PTPRG: variants seen among roughly 807,000 people sequenced by gnomAD.
PTPRG encodes the protein receptor-type tyrosine-protein phosphatase gamma.
In PTPRG, 102 loss-of-function variants were observed where a neutral mutation model predicts 165.3. The observed-to-expected ratio is 0.62, with a 90% CI of 0.53 to 0.73. The LOEUF is 0.73. PTPRG is among the 30% of genes least tolerant of loss of function. The pLI, the probability that PTPRG is intolerant of heterozygous loss-of-function variation, is 0.00. For missense variants in PTPRG, 1,866 were observed against 1,861.4 expected (o/e 1.00, Z -0.05); for synonymous variants, 675 against 669.5 (o/e 1.01, Z -0.13).
intron 5 of PTPRG, among the ~76,000 whole-genome samples, chr3:62,103,582 G>T (rs1184137049): frequency 1.3e-5 from 2 of 152,194 alleles, no homozygotes; most frequent in African/African-American, 4.8e-5. Flanking sequence ...TTCCCATGAA[G>T]AAATTTCAAG....
At chr3:62,093,510 C>T (rs927200350) in intron 5 of PTPRG, among the ~76,000 whole-genome samples, 1 of 152,192 alleles carries the variant, frequency 6.6e-6, no homozygotes, top group African/African-American at 2.4e-5. Flanking sequence ...ATTTGTCCCA[C>T]CTCATTGGCA....
intron 1 of PTPRG, among the ~76,000 whole-genome samples, chr3:61,573,580 T>G (rs930089026): frequency 6.6e-6 from 1 of 152,162 alleles, no homozygotes. Flanking sequence ...ACGCAATACA[T>G]TTACATGAAT....
chr3:62,129,898 A>T (rs1480502095), intron 5 of PTPRG, among the ~76,000 whole-genome samples: 1 of 152,160 alleles, frequency 6.6e-6, no homozygotes, highest in Admixed American at 6.5e-5. Context: ...GTGTCTTGTG[A>T]TGTGGAATAT....
At chr3:61,569,461 C>T (rs558476080) in intron 1 of PTPRG, among the ~76,000 whole-genome samples, 2 of 152,246 alleles carry the variant, frequency 1.3e-5, no homozygotes, top group African/African-American at 4.8e-5. Flanking sequence ...GCTCAATAAC[C>T]ATTTTTTTAA....
intron 1 of PTPRG, among the ~76,000 whole-genome samples, chr3:61,691,552 A>G (rs2030216022): frequency 6.6e-6 from 1 of 152,186 alleles, no homozygotes; most frequent in Admixed American, 6.5e-5. Flanking sequence ...AAATGACTAA[A>G]ATGGTATGAA....
At chr3:62,094,697 C>T (rs748148269) in intron 5 of PTPRG, among the ~76,000 whole-genome samples, 9 of 152,218 alleles carry the variant, frequency 5.9e-5, no homozygotes, top group Non-Finnish European at 8.8e-5. Flanking sequence ...TCTAGTCCAA[C>T]GTCCCCACTG....
At chr3:61,880,643 A>G (rs865774705) in intron 2 of PTPRG, among the ~76,000 whole-genome samples, 389 of 150,144 alleles carry the variant, frequency 2.6e-3, no homozygotes, top group African/African-American at 8.6e-3. Flanking sequence ...AAAAAAAAAA[A>G]AGAGAGAGAC....
intron 28 of PTPRG, among the ~76,000 whole-genome samples, chr3:62,289,708 C>CA (rs1328903467): frequency 3.0e-5 from 4 of 134,006 alleles, no homozygotes; most frequent in Non-Finnish European, 6.6e-5. Flanking sequence ...TCCCCCCCCC[C>CA]CAAAAAAAAC....
rs1702135150 is a variant in PTPRG, at chr3:62,273,325, A to G, written c.3318+244A>G. ...CTTACGAAAGAGATACAGTTGTTTC[A>G]AGAGCTGTGTTAGATGGTAGGGGGA... On this transcript the variant is annotated intron_variant, in intron 22 of 29. Transcript: ENST00000474889. The surrounding 1 kb of genome is among the most constrained non-coding windows in gnomAD (Gnocchi z 4.1). Among the ~76,000 whole-genome samples, 2 of 152,208 alleles carry G rather than the reference A, an allele frequency of 1.3e-5. No homozygotes were observed. The highest frequency in any genetic ancestry group is 1.3e-4 in the Admixed American group (2 of 15,280).
chr3:62,152,035 C>G (rs1226073698), intron 6 of PTPRG, among the ~76,000 whole-genome samples: 1 of 152,128 alleles, frequency 6.6e-6, no homozygotes, highest in African/African-American at 2.4e-5. Flanking sequence ...GGACCTAGCT[C>G]TAGCACTTCT....
chr3:61,976,577 C>T (rs544729878), intron 2 of PTPRG, among the ~76,000 whole-genome samples: 28 of 152,252 alleles, frequency 1.8e-4, no homozygotes, highest in African/African-American at 6.3e-4. Flanking sequence ...TATTGACTTC[C>T]TTTTTAATAA....
chr3:61,783,313 C>G (rs1467868554), intron 2 of PTPRG, among the ~76,000 whole-genome samples: 1 of 152,078 alleles, frequency 6.6e-6, no homozygotes, highest in Non-Finnish European at 1.5e-5. Context: ...GCACTCCAAC[C>G]TGGGTGACAG....
rs1353810383 is a variant in PTPRG at position 62,273,497 on chromosome 3, G to A, written c.3319-201G>A. The stretch of plus-strand genomic sequence containing the variant: ...ATCCAGGCACAGTATAGAATACAGA[G>A]CTAAACTTAACACAGTCTCTACCGT... On this transcript the variant is annotated intron_variant, in intron 22 of 29. Coordinates refer to ENST00000474889, the MANE Select transcript of PTPRG (RefSeq NM_002841.4). The surrounding 1 kb of genome is among the most constrained non-coding windows in gnomAD (Gnocchi z 4.1). Among the ~76,000 whole-genome samples, 1 of 152,130 alleles carries A rather than the reference G, an allele frequency of 6.6e-6. No individual in the cohort carries two copies. Among genetic ancestry groups the A allele is most frequent in the Non-Finnish European group, 1.5e-5 (1 of 68,022 alleles).
intron 1 of PTPRG, among the ~76,000 whole-genome samples, chr3:61,625,548 G>A (rs1468626344): frequency 1.3e-5 from 2 of 152,128 alleles, no homozygotes; most frequent in African/African-American, 4.8e-5. Context: ...TCACTTGGGT[G>A]TGTTTCAAGC....
intron 1 of PTPRG, among the ~76,000 whole-genome samples, chr3:61,655,960 C>T (rs1381299277): frequency 1.3e-5 from 2 of 152,046 alleles, no homozygotes; most frequent in African/African-American, 4.8e-5. Flanking sequence ...TACCTGTAAT[C>T]CTAGCCCTTT....
At chr3:61,800,637 G>C (rs961472478) in intron 2 of PTPRG, among the ~76,000 whole-genome samples, 2 of 151,340 alleles carry the variant, frequency 1.3e-5, no homozygotes, top group Non-Finnish European at 2.9e-5. Flanking sequence ...CCGTGGTGGG[G>C]ACAGAACTGT....
chr3:62,149,336 C>T (rs1317714760), intron 6 of PTPRG, among the ~76,000 whole-genome samples: 2 of 149,520 alleles, frequency 1.3e-5, no homozygotes, highest in Non-Finnish European at 3.0e-5. Flanking sequence ...TGCAGTGGCG[C>T]GATCTTGGCT....
At chr3:62,039,095 T>C (rs1347288691) in intron 4 of PTPRG, among the ~76,000 whole-genome samples, 1 of 152,096 alleles carries the variant, frequency 6.6e-6, no homozygotes, top group Admixed American at 6.5e-5. Flanking sequence ...CCACCATGCC[T>C]GACTAATTTT....
chr3:62,231,317 G>A lies in PTPRG; in HGVS notation c.2375+6G>A, dbSNP rs185790914. The A allele has an allele frequency of 1.3e-6, 2 of 1,576,048 alleles. No homozygotes were observed. The highest frequency in any genetic ancestry group is 1.7e-6 in the Non-Finnish European group (2 of 1,162,502). ...AGAGGAGAGAAGGGGAGCAGGTGAGGGGCGGTCAAGCTTAAGTGGGGGGCG... is the reference window on the plus strand; with the variant it reads ...AGAGGAGAGAAGGGGAGCAGGTGAGAGGCGGTCAAGCTTAAGTGGGGGGCG... On this transcript the variant is annotated splice_donor_region_variant and intron_variant, in intron 14 of 29. Coordinates refer to ENST00000474889, the MANE Select transcript of PTPRG (RefSeq NM_002841.4).
Sources: gnomAD v4.1 joint callset for allele counts (sites outside exome capture counted in the v4.1 genomes callset) on GRCh38, gnomAD v4.1.1 for gene constraint, Gnocchi (gnomAD v3.1) non-coding constraint, MANE v1.5 for transcripts, NCBI Gene and HGNC (gene_info 2026-07-23, HGNC 2026-07-21) for gene names.